The following CCNY variants were observed in gnomAD, a reference collection of about 807,000 sequenced individuals.
CCNY encodes the protein cyclin Y.
A neutral mutation model predicts 42.8 loss-of-function variants in CCNY; 19 were observed. That is an observed-to-expected ratio of 0.44 (90% CI 0.31 to 0.65). CCNY has a LOEUF of 0.65. Among genes scored for constraint, CCNY ranks in the 30% least tolerant of loss-of-function variants. The probability of loss-of-function intolerance (pLI) is 0.07; values close to 1 mark genes in which losing one functional copy is unlikely to be tolerated. For synonymous variants in CCNY, 165 were observed against 162.7 expected, an observed-to-expected ratio of 1.01 and a Z score of -0.11; for missense variants, 370 against 437.3, an observed-to-expected ratio of 0.85 and a Z score of 1.37.
chr10:35,270,752 G>T (rs1835154774), intron 3 of CCNY, among the ~76,000 whole-genome samples: 1 of 136,172 alleles, frequency 7.3e-6, no homozygotes, highest in African/African-American at 2.9e-5. Context: ...TTGAGACAGA[G>T]TCTTGCTCTG....
At chr10:35,317,880 G>A (rs1023168195) in intron 3 of CCNY, among the ~76,000 whole-genome samples, 2 of 124,324 alleles carry the variant, frequency 1.6e-5, no homozygotes, top group African/African-American at 3.0e-5. Context: ...CCCTTTGGAG[G>A]AGTGATCTAC....
intron 1 of CCNY, among the ~76,000 whole-genome samples, chr10:35,430,108 C>T (rs1388354809): frequency 5.9e-5 from 9 of 151,474 alleles, no homozygotes; most frequent in South Asian, 2.1e-4. Context: ...GAGGCCGAGG[C>T]GGGCGGATCA....
At chr10:35,333,507 GT>G (rs1835970183), upstream of CCNY, among the ~76,000 whole-genome samples, 2 of 152,124 alleles carry the variant, frequency 1.3e-5, no homozygotes. Flanking sequence ...AGTGACACTT[GT>G]TTTTTTACTC....
intron 8 of CCNY, among the ~76,000 whole-genome samples, chr10:35,562,034 C>T (rs542348168): frequency 2.0e-5 from 3 of 152,244 alleles, no homozygotes; most frequent in East Asian, 1.9e-4. Flanking sequence ...AAGTGGCAAC[C>T]GCTGTGGATG....
intron 1 of CCNY, among the ~76,000 whole-genome samples, chr10:35,435,437 G>T (rs1428075778): frequency 6.6e-6 from 1 of 152,226 alleles, no homozygotes; most frequent in African/African-American, 2.4e-5. Context: ...GAACAGTGTG[G>T]CCTAGTGGGT....
intron 1 of CCNY, chr10:35,248,065 A>C (rs972525521): frequency 2.6e-5 from 4 of 152,308 alleles, no homozygotes; most frequent in African/African-American, 9.7e-5. Context: ...CTTTATGTGC[A>C]ACACTTGGGG....
At chr10:35,400,742 C>T (rs1837625515) in intron 1 of CCNY, among the ~76,000 whole-genome samples, 1 of 152,108 alleles carries the variant, frequency 6.6e-6, no homozygotes, top group Non-Finnish European at 1.5e-5. Flanking sequence ...TTTCTCCTCC[C>T]CCGGGATTGT....
chr10:35,518,714 G>A (rs1303253858), intron 4 of CCNY, among the ~76,000 whole-genome samples: 1 of 143,846 alleles, frequency 7.0e-6, no homozygotes, highest in Non-Finnish European at 1.5e-5. Flanking sequence ...ATTTTTAACA[G>A]CTCTTGATTG....
At chr10:35,485,031 A>G (rs537568833) in intron 2 of CCNY, among the ~76,000 whole-genome samples, 12 of 152,348 alleles carry the variant, frequency 7.9e-5, no homozygotes, top group Admixed American at 2.6e-4. Flanking sequence ...CAGGGCATCA[A>G]TTACTCTGAC....
intron 1 of CCNY, chr10:35,434,280 A>C (rs1022169130): frequency 6.6e-6 from 1 of 152,170 alleles, no homozygotes; most frequent in African/African-American, 2.4e-5. Context: ...CCTCTGTCTG[A>C]AATGGGGATT....
At chr10:35,539,976 G>C (rs1290242448) in intron 7 of CCNY, among the ~76,000 whole-genome samples, 3 of 152,272 alleles carry the variant, frequency 2.0e-5, no homozygotes, top group East Asian at 1.9e-4. Context: ...TTTTTCAGTA[G>C]ATTCTTTAGA....
At chr10:35,355,872 CT>C (rs1220407820) in intron 1 of CCNY, among the ~76,000 whole-genome samples, 3 of 151,148 alleles carry the variant, frequency 2.0e-5, no homozygotes, top group Non-Finnish European at 2.9e-5. Context: ...TTAAAATGTT[CT>C]TATGCCATGA....
At chr10:35,496,542 A>G (rs1290187939) in intron 2 of CCNY, among the ~76,000 whole-genome samples, 1 of 152,170 alleles carries the variant, frequency 6.6e-6, no homozygotes, top group Non-Finnish European at 1.5e-5. Flanking sequence ...TAGAAATGGA[A>G]GAGGAGAGTC....
intron 1 of CCNY, among the ~76,000 whole-genome samples, chr10:35,415,301 G>A (rs1485451035): frequency 6.6e-6 from 1 of 151,724 alleles, no homozygotes; most frequent in Non-Finnish European, 1.5e-5. Context: ...GGGCTGTGTT[G>A]TTTCTCAGAA....
At chr10:35,475,127 A>G (rs1839478395) in intron 1 of CCNY, among the ~76,000 whole-genome samples, 1 of 152,212 alleles carries the variant, frequency 6.6e-6, no homozygotes, top group Non-Finnish European at 1.5e-5. Flanking sequence ...TCCAAGAAAT[A>G]TGGGACTATG....
intron 3 of CCNY, among the ~76,000 whole-genome samples, chr10:35,301,610 GC>G (rs1835534431): frequency 1.3e-5 from 2 of 152,074 alleles, no homozygotes; most frequent in Non-Finnish European, 2.9e-5. Flanking sequence ...TTTATTGGAA[GC>G]CTGTTTTCAT....
chr10:35,271,331 G>A (rs113182825), intron 3 of CCNY, among the ~76,000 whole-genome samples: 3,068 of 152,218 alleles, frequency 0.02, 100 homozygotes, highest in African/African-American at 0.068. Context: ...AAGGTTCAGC[G>A]TGGAGAAGCC....
chr10:35,249,989 T>A (rs746024602), intron 2 of CCNY, among the ~76,000 whole-genome samples: 11 of 151,962 alleles, frequency 7.2e-5, no homozygotes, highest in Non-Finnish European at 1.2e-4. Flanking sequence ...GGTCAGGAGA[T>A]CGAGACCTTC....
intron 7 of CCNY, among the ~76,000 whole-genome samples, chr10:35,541,588 C>G (rs1841001638): frequency 1.3e-5 from 2 of 152,180 alleles, no homozygotes; most frequent in Non-Finnish European, 2.9e-5. Flanking sequence ...TTTGTAGAGA[C>G]TGGGTCTTGC....
Sources: allele counts gnomAD v4.1 joint callset (sites outside exome capture counted in the v4.1 genomes callset), GRCh38; gene constraint gnomAD v4.1.1; transcripts MANE v1.5; gene names NCBI Gene and HGNC (gene_info 2026-07-23, HGNC 2026-07-21).